COL4A3: variants seen among roughly 807,000 people sequenced by gnomAD.
The protein encoded by COL4A3 is collagen alpha-3(IV) chain.
COL4A3 carries 135 observed loss-of-function variants against 217.4 expected under a neutral mutation model. The observed-to-expected ratio is 0.62, with a 90% CI of 0.54 to 0.72. The LOEUF is 0.72. COL4A3 is among the 30% of genes least tolerant of loss of function. The pLI is 0.00. For synonymous variants in COL4A3, 690 were observed against 736.3 expected, an observed-to-expected ratio of 0.94 and a Z score of 1.02; for missense variants, 1,868 against 2,119.9, an observed-to-expected ratio of 0.88 and a Z score of 2.33.
At chr2:227,311,340 C>T (rs867599208) in intron 51 of COL4A3, among the ~76,000 whole-genome samples, 9 of 151,560 alleles carry the variant, frequency 5.9e-5, no homozygotes, top group Admixed American at 2.6e-4. Flanking sequence ...ATACTTCTTC[C>T]ATAAAGAGAA....
intron 1 of COL4A3, among the ~76,000 whole-genome samples, chr2:227,229,787 G>A (rs980929723): frequency 1.3e-5 from 2 of 152,096 alleles, no homozygotes; most frequent in African/African-American, 4.8e-5. Context: ...GGTGGCTCAC[G>A]CCTGTAATCC....
chr2:227,306,689 T>C (rs957413005), intron 47 of COL4A3, among the ~76,000 whole-genome samples: 2 of 152,102 alleles, frequency 1.3e-5, no homozygotes, highest in African/African-American at 4.8e-5. Context: ...TTTACAAATT[T>C]CTGAGGAAAG....
chr2:227,278,226 A>G (rs961950291), intron 28 of COL4A3, among the ~76,000 whole-genome samples: 3 of 152,096 alleles, frequency 2.0e-5, no homozygotes, highest in Non-Finnish European at 2.9e-5. Context: ...AGGGAAAAAA[A>G]TGCTGTTTCC....
At chr2:227,293,396 G>A in intron 38 of COL4A3, 79 bp downstream of exon 38, 1 of 1,512,428 alleles carries the variant, frequency 6.6e-7, no homozygotes, top group Non-Finnish European at 9.0e-7. Context: ...GTGGTAAACA[G>A]AAAGCTATTT....
chr2:227,280,395 G>T (rs751166669), intron 29 of COL4A3, 45 bp from the exon 30 acceptor site: 3 of 1,609,018 alleles, frequency 1.9e-6, no homozygotes, highest in Non-Finnish European at 2.6e-6. Context: ...TATCAGTGAA[G>T]ATTTGGAAGC....
chr2:227,249,238 T>A (rs1487912965), intron 9 of COL4A3, among the ~76,000 whole-genome samples: 5 of 32,576 alleles, frequency 1.5e-4, no homozygotes, highest in African/African-American at 2.8e-4. Flanking sequence ...ATATTTTTTT[T>A]TTTTTTTTTT....
chr2:227,234,667 A>T (rs535963152), intron 1 of COL4A3, among the ~76,000 whole-genome samples: 1 of 152,240 alleles, frequency 6.6e-6, no homozygotes, highest in Non-Finnish European at 1.5e-5. Context: ...AGAAAAAAAT[A>T]GGCATTGAAT....
rs1326925696 is a variant in COL4A3, at chr2:227,259,474, T to C, written c.1030-319T>C. Reference sequence around the variant, plus strand: ...ATTTTGTGAAACTTTAATTTTTCTATACATATACACACATACATAGGTATG... The same window carrying C: ...ATTTTGTGAAACTTTAATTTTTCTACACATATACACACATACATAGGTATG... On this transcript the variant is annotated intron_variant, in intron 18 of 51. Coordinates refer to ENST00000396578, the MANE Select transcript of COL4A3 (RefSeq NM_000091.5). Among the ~76,000 whole-genome samples the C allele has an allele frequency of 1.6e-4, 25 of 152,238 alleles. 1 individual carries two copies. The highest frequency in any genetic ancestry group is 1.6e-3 in the Admixed American group (25 of 15,282).
At chr2:227,198,184 T>C (rs535282759) in intron 1 of COL4A3, among the ~76,000 whole-genome samples, 3 of 152,330 alleles carry the variant, frequency 2.0e-5, no homozygotes, top group Non-Finnish European at 4.4e-5. Context: ...ATGTGGGTCA[T>C]CTTCTGTAAG....
intron 18 of COL4A3, 89 bp from the exon 19 acceptor site, chr2:227,259,704 G>A: frequency 1.0e-6 from 1 of 974,244 alleles, no homozygotes; most frequent in Non-Finnish European, 1.7e-6. Flanking sequence ...CCATCTTTGG[G>A]CCAAAATGAA....
rs1007525408 is a variant in COL4A3, at chr2:227,240,247, A to G, written c.234+15A>G. On this transcript the variant is annotated intron_variant, in intron 3 of 51. Coordinates refer to ENST00000396578, the MANE Select transcript of COL4A3 (RefSeq NM_000091.5). ...AGGGACCCAAGGTATGTCATCCTGC[A>G]AGCTTGGAAAATCCCCAACCCACCT... is the stretch of plus-strand genomic sequence containing the variant. The G allele has an allele frequency of 2.5e-6, 4 of 1,598,152 alleles. No individual in the cohort carries two copies. The African/African-American group carries it at 4.0e-5, about 16-fold the overall frequency.
chr2:227,238,580 T>A (rs891891174), intron 2 of COL4A3, among the ~76,000 whole-genome samples: 13 of 152,172 alleles, frequency 8.5e-5, no homozygotes, highest in African/African-American at 3.1e-4. Context: ...TAACTTGCAA[T>A]TTGTGATAAT....
At chr2:227,197,787 G>A (rs1164176923) in intron 1 of COL4A3, among the ~76,000 whole-genome samples, 1 of 152,210 alleles carries the variant, frequency 6.6e-6, no homozygotes, top group Non-Finnish European at 1.5e-5. Flanking sequence ...TCTGTGCCAG[G>A]CATGGTGGTG....
chr2:227,244,519 T>A (rs2069204399), intron 4 of COL4A3, among the ~76,000 whole-genome samples, 155 bp downstream of exon 4: 1 of 151,882 alleles, frequency 6.6e-6, no homozygotes, highest in Non-Finnish European at 1.5e-5. Context: ...GTCAAAGGAG[T>A]GGTTACCACA....
chr2:227,169,304 G>T (rs2065393370), intron 1 of COL4A3: 1 of 151,320 alleles, frequency 6.6e-6, no homozygotes, highest in East Asian at 1.9e-4. Context: ...TGGATATTTG[G>T]GTTGGTTCCA....
intron 20 of COL4A3, among the ~76,000 whole-genome samples, chr2:227,262,211 A>G (rs1219656685): frequency 1.3e-5 from 2 of 152,202 alleles, no homozygotes; most frequent in African/African-American, 4.8e-5. Flanking sequence ...TTAATAGTAG[A>G]TATCTCTTAC....
In COL4A3 at chr2:227,250,978, C is replaced by A. The variant is rs954060341; in HGVS notation, c.547-162C>A. Among the ~76,000 whole-genome samples, 1 of 152,210 alleles carries A rather than the reference C, an allele frequency of 6.6e-6. No individual in the cohort carries two copies. The highest frequency in any genetic ancestry group is 1.5e-5 in the Non-Finnish European group (1 of 68,044). On this transcript the variant is annotated intron_variant, in intron 9 of 51. Coordinates refer to ENST00000396578, the MANE Select transcript of COL4A3 (RefSeq NM_000091.5). The surrounding 1 kb of genome is among the most constrained non-coding windows in gnomAD (Gnocchi z 4.1). ...GGTCCTGCCAGCCTGTTACACATGGCAACACTTTTTGATGTTTGTTATCAT... is the reference window on the plus strand; with the variant it reads ...GGTCCTGCCAGCCTGTTACACATGGAAACACTTTTTGATGTTTGTTATCAT...
At chr2:227,202,556 A>C (rs1400344944) in intron 1 of COL4A3, among the ~76,000 whole-genome samples, 1 of 151,214 alleles carries the variant, frequency 6.6e-6, no homozygotes, top group African/African-American at 2.4e-5. Flanking sequence ...CATCTTGGCT[A>C]ACACGGTGAA....
At chr2:227,302,126 C>T (rs1224989263) in intron 43 of COL4A3, among the ~76,000 whole-genome samples, 1 of 152,196 alleles carries the variant, frequency 6.6e-6, no homozygotes, top group Non-Finnish European at 1.5e-5. Flanking sequence ...CATCTCCTGG[C>T]TATAAGACCA....
Sources: gnomAD v4.1 joint callset for allele counts (sites outside exome capture counted in the v4.1 genomes callset) on GRCh38, gnomAD v4.1.1 for gene constraint, Gnocchi (gnomAD v3.1) non-coding constraint, MANE v1.5 for transcripts, NCBI Gene and HGNC (gene_info 2026-07-23, HGNC 2026-07-21) for gene names.